The following ACSF3 variants were observed in gnomAD, a reference collection of about 807,000 sequenced individuals.
ACSF3 encodes the protein malonate--CoA ligase ACSF3, mitochondrial.
A neutral mutation model predicts 53.2 loss-of-function variants in ACSF3; 78 were observed. The ratio of observed to expected loss-of-function variants is 1.47; its 90% CI spans 1.22 to 1.77. ACSF3 has a LOEUF of 1.77. Among genes scored for constraint, ACSF3 ranks in the 40% most tolerant of loss-of-function variants. ACSF3 has a pLI of 0.00. For missense variants in ACSF3, 937 were observed against 771.1 expected (o/e 1.22, Z -2.55); for synonymous variants, 414 against 333.1 (o/e 1.24, Z -2.65).
rs149213004 is a variant in ACSF3 at position 89,114,870 on chromosome 16, G to A, written c.1126+383G>A. ...GGCAGCCTCCGTCTGTCTGGAGTCC[G>A]GGTGCCACACAGCGCCAGCAGCAGT... On this transcript the variant is annotated intron_variant, in intron 6 of 10. Transcript: ENST00000614302. 1,570 of 356,072 alleles carry A rather than the reference G, an allele frequency of 4.4e-3. 3 individuals are homozygous for A. Among genetic ancestry groups the A allele is most frequent in the Middle Eastern group, 0.014 (14 of 998 alleles). The allele number at this position is 356,072 out of a possible 1,614,324, so 22.1% of individuals were successfully genotyped here.
chr16:89,133,116 A>G lies in ACSF3; in HGVS notation c.1240-20A>G, dbSNP rs750688940. 16 of 1,613,206 alleles carry G rather than the reference A, an allele frequency of 9.9e-6. No homozygotes were observed. Among genetic ancestry groups the G allele is most frequent in the Non-Finnish European group, 1.2e-5 (14 of 1,179,952 alleles). On this transcript the variant is annotated intron_variant, in intron 7 of 10. Coordinates refer to ENST00000614302, the MANE Select transcript of ACSF3 (RefSeq NM_001243279.3). ...GAGGGTGTGCCCAGCTCTGACCTCC[A>G]TGTTCTTCATCCTCCACAGGTGACC... is the stretch of plus-strand genomic sequence containing the variant.
At position 89,112,120 on chromosome 16, in the gene ACSF3, C is replaced by T. The variant is rs373794208; in HGVS notation, c.851C>T (p.Thr284Met). ...TGGGAAAAGTTCTTAAGTTCTGAAA[C>T]GCCGCGGATCAATGTCTTTATGGCA... ...QVWEKFLSSETPRINVFMAVP... is the reference protein window; with the variant it reads ...QVWEKFLSSEMPRINVFMAVP... Residue 284 changes from threonine (T) to methionine (M), a missense_variant, in exon 5 of 11, where the codon ACG becomes ATG. Thr to Met is a moderately conservative substitution (Grantham distance 81). Transcript: ENST00000614302. 16 of 1,105,512 alleles carry T rather than the reference C, an allele frequency of 1.4e-5. No homozygotes were observed. The highest frequency in any genetic ancestry group is 2.5e-4 in the Middle Eastern group (1 of 3,930). The allele number at this position is 1,105,512 out of a possible 1,614,324, so 68.5% of individuals were successfully genotyped here.
intron 10 of ACSF3, among the ~76,000 whole-genome samples, chr16:89,147,256 AGAGT>A (rs1196014816): frequency 1.2e-5 from 1 of 85,794 alleles, no homozygotes; most frequent in Non-Finnish European, 2.2e-5. Context: ...GAGGGGTCAC[AGAGT>A]GAGTGAGGGA....
At chr16:89,141,794 C>G (rs978661392) in intron 8 of ACSF3, among the ~76,000 whole-genome samples, 1 of 152,186 alleles carries the variant, frequency 6.6e-6, no homozygotes, top group Non-Finnish European at 1.5e-5. Context: ...GTGGGAAGGA[C>G]ACACGACTGC....
rs182176635 is a variant in ACSF3 at position 89,139,274 on chromosome 16, A to G, written c.1367-5993A>G. Among the ~76,000 whole-genome samples, 939 of 151,846 alleles carry G rather than the reference A, an allele frequency of 6.2e-3. 25 individuals carry two copies. The highest frequency in any genetic ancestry group is 0.054 in the Admixed American group (817 of 15,258). On this transcript the variant is annotated intron_variant, in intron 8 of 10. Coordinates refer to ENST00000614302, the MANE Select transcript of ACSF3 (RefSeq NM_001243279.3). Reference sequence around the variant, plus strand: ...GTCTCCCCATGGCGCCTCCTTCCCCATCACCACCACCCCTTCCCTCCTACC... The same window carrying G: ...GTCTCCCCATGGCGCCTCCTTCCCCGTCACCACCACCCCTTCCCTCCTACC...
At chr16:89,106,516 A>C (rs1976005955) in intron 4 of ACSF3, among the ~76,000 whole-genome samples, 2 of 151,796 alleles carry the variant, frequency 1.3e-5, no homozygotes, top group South Asian at 2.1e-4. Context: ...CTGGTCTAGA[A>C]CTCCGGACCT....
At chr16:89,143,656 C>T (rs566215965) in intron 8 of ACSF3, among the ~76,000 whole-genome samples, 9 of 152,272 alleles carry the variant, frequency 5.9e-5, no homozygotes, top group Non-Finnish European at 7.4e-5. Flanking sequence ...TGTCCAACCC[C>T]GCCCACAGCC....
At chr16:89,151,677 G>C (rs930810911) in intron 10 of ACSF3, 1 of 172,212 alleles carries the variant, frequency 5.8e-6, no homozygotes, top group Middle Eastern at 3.0e-3. Flanking sequence ...CACGATCTCC[G>C]CTCACTGCAA....
At chr16:89,133,303 G>A (rs756643778) in intron 8 of ACSF3, 41 bp downstream of exon 8, 2 of 1,612,706 alleles carry the variant, frequency 1.2e-6, no homozygotes, top group African/African-American at 1.3e-5. Flanking sequence ...ACCCCGAGGG[G>A]ACAGGCAGGA....
At chr16:89,132,933 C>T (rs547052782) in intron 7 of ACSF3, among the ~76,000 whole-genome samples, 14 of 152,350 alleles carry the variant, frequency 9.2e-5, no homozygotes, top group South Asian at 6.2e-4. Flanking sequence ...CCACAGAGGA[C>T]GGCGGGAATG....
At chr16:89,113,107 G>A (rs1904337421) in intron 5 of ACSF3, 1 of 152,306 alleles carries the variant, frequency 6.6e-6, no homozygotes, top group Non-Finnish European at 1.5e-5. Context: ...GTGTGGCTCA[G>A]TGAGTCTTCA....
At chr16:89,105,239 G>A (rs541801420) in intron 4 of ACSF3, among the ~76,000 whole-genome samples, 1 of 152,296 alleles carries the variant, frequency 6.6e-6, no homozygotes, top group Non-Finnish European at 1.5e-5. Context: ...CAGACACTGC[G>A]GCTGCCTCAT....
At chr16:89,150,683 G>T (rs1213478342) in intron 10 of ACSF3, 10 of 307,838 alleles carry the variant, frequency 3.2e-5, no homozygotes, top group African/African-American at 2.2e-4. Flanking sequence ...TGAGGGACAG[G>T]ACTGGGCAGG....
intron 4 of ACSF3, among the ~76,000 whole-genome samples, chr16:89,103,804 C>G (rs1567689739): frequency 6.6e-6 from 1 of 152,200 alleles, no homozygotes; most frequent in Non-Finnish European, 1.5e-5. Flanking sequence ...TGTAGCGTCT[C>G]CCTTGGAGCA....
In ACSF3 at chr16:89,154,794, C is replaced by T. The variant is rs1256612448; in HGVS notation, c.*587C>T. ...AGGAGAGCAGCTCCCACTGTGGGGA[C>T]ACCTGCCACCCTGCACACTACTGTG... is the stretch of plus-strand genomic sequence containing the variant. On this transcript the variant is annotated 3_prime_UTR_variant, in exon 11 of 11. Coordinates refer to ENST00000614302, the MANE Select transcript of ACSF3 (RefSeq NM_001243279.3). 7 of 454,032 alleles carry T rather than the reference C, an allele frequency of 1.5e-5. No homozygotes were observed. The highest frequency in any genetic ancestry group is 3.1e-5 in the Non-Finnish European group (7 of 226,806). 28.1% of individuals were successfully genotyped at this position (454,032 alleles called of 1,614,324 possible).
At chr16:89,117,736 C>A (rs1000531300) in intron 6 of ACSF3, among the ~76,000 whole-genome samples, 13 of 152,076 alleles carry the variant, frequency 8.5e-5, no homozygotes, top group African/African-American at 2.9e-4. Flanking sequence ...AGCTTCCCCA[C>A]GCTGGAATCA....
intron 7 of ACSF3, among the ~76,000 whole-genome samples, chr16:89,129,998 T>G (rs970679616): frequency 3.3e-5 from 5 of 152,248 alleles, no homozygotes; most frequent in African/African-American, 1.2e-4. Flanking sequence ...CAGTCAAAAA[T>G]ATTTCAGAGA....
intron 7 of ACSF3, among the ~76,000 whole-genome samples, chr16:89,132,542 G>A (rs77860405): frequency 1.3e-5 from 2 of 152,220 alleles, no homozygotes; most frequent in African/African-American, 4.8e-5. Context: ...GGCCATGGCA[G>A]TGCCTGCATG....
chr16:89,119,176 T>C (rs1905988832), intron 6 of ACSF3, among the ~76,000 whole-genome samples: 1 of 152,142 alleles, frequency 6.6e-6, no homozygotes, highest in African/African-American at 2.4e-5. Flanking sequence ...TGCTGCAGAA[T>C]CCAGACACCA....
Sources: allele counts gnomAD v4.1 joint callset (sites outside exome capture counted in the v4.1 genomes callset), GRCh38; gene constraint gnomAD v4.1.1; transcripts MANE v1.5; gene names NCBI Gene and HGNC (gene_info 2026-07-23, HGNC 2026-07-21).